The following WLS variants were observed in gnomAD, a reference collection of about 807,000 sequenced individuals.
The protein encoded by WLS is protein wntless homolog.
In WLS, 23 loss-of-function variants were observed where a neutral mutation model predicts 62.8. The ratio of observed to expected loss-of-function variants is 0.37; its 90% confidence interval spans 0.26 to 0.52. WLS has a LOEUF of 0.52. Among genes scored for constraint, WLS ranks in the 20% least tolerant of loss-of-function variants. The pLI, the probability that WLS is intolerant of heterozygous loss-of-function variation, is 0.92. For synonymous variants in WLS, 246 were observed against 244.1 expected (o/e 1.01, Z -0.07); for missense variants, 615 against 697.3 (o/e 0.88, Z 1.33).
chr1:68,133,605 C>G (rs1252783112), intron 11 of WLS, among the ~76,000 whole-genome samples: 1 of 152,192 alleles, frequency 6.6e-6, no homozygotes, highest in Admixed American at 6.5e-5. Flanking sequence ...TAAAGGGTCA[C>G]TTTCTGATCC....
chr1:68,225,542 C>A (rs1010266465), intron 1 of WLS, among the ~76,000 whole-genome samples: 3 of 152,308 alleles, frequency 2.0e-5, no homozygotes, highest in Non-Finnish European at 2.9e-5. Flanking sequence ...CTATCAAAAT[C>A]AAGGGCTGCA....
chr1:68,110,663 C>CTCTCTCTG (rs2100325834), intron 11 of WLS, among the ~76,000 whole-genome samples: 1 of 13,788 alleles, frequency 7.3e-5, no homozygotes, highest in African/African-American at 1.1e-4. Context: ...CTCTGTCTCT[C>CTCTCTCTG]TCTCTCTCTC....
intron 11 of WLS, among the ~76,000 whole-genome samples, chr1:68,101,561 A>AT (rs937895102): frequency 1.7e-4 from 26 of 152,326 alleles, no homozygotes; most frequent in Middle Eastern, 6.8e-3. Flanking sequence ...CACTCACTCT[A>AT]GTGTGTTCCT....
intron 6 of WLS, among the ~76,000 whole-genome samples, chr1:68,149,340 A>G (rs1028834062): frequency 1.3e-5 from 2 of 152,158 alleles, no homozygotes; most frequent in African/African-American, 4.8e-5. Flanking sequence ...CCTGCTGCTG[A>G]GGCCTCATTC....
intron 2 of WLS, chr1:68,162,329 C>T: frequency 1.2e-6 from 2 of 1,613,822 alleles, no homozygotes; most frequent in Non-Finnish European, 1.7e-6. Context: ...ATGGTAAAGT[C>T]ATTGATGAGG....
intron 10 of WLS, among the ~76,000 whole-genome samples, chr1:68,143,709 T>C (rs1646716871): frequency 6.6e-6 from 1 of 152,246 alleles, no homozygotes; most frequent in Non-Finnish European, 1.5e-5. Context: ...CACTCTATGA[T>C]GTTCCCTTAA....
chr1:68,163,762 C>T (rs1175072792), intron 2 of WLS, among the ~76,000 whole-genome samples: 1 of 152,148 alleles, frequency 6.6e-6, no homozygotes, highest in Non-Finnish European at 1.5e-5. Flanking sequence ...AGTATCCAGG[C>T]ACCTGAGTTT....
At chr1:68,130,912 T>A (rs1301381994) in intron 11 of WLS, among the ~76,000 whole-genome samples, 10 of 135,116 alleles carry the variant, frequency 7.4e-5, no homozygotes, top group East Asian at 2.3e-4. Context: ...TTTTTTTTTT[T>A]AGATGGAGTC....
chr1:68,123,404 G>T (rs1646387075), downstream of WLS, among the ~76,000 whole-genome samples: 1 of 151,064 alleles, frequency 6.6e-6, no homozygotes, highest in Non-Finnish European at 1.5e-5. Flanking sequence ...CTTTCCTATA[G>T]AATATGGCCA....
chr1:68,215,652 T>C (rs577989852), intron 1 of WLS, among the ~76,000 whole-genome samples: 2 of 152,360 alleles, frequency 1.3e-5, no homozygotes, highest in South Asian at 4.1e-4. Context: ...CAGTATTGTT[T>C]ATAATAGCCT....
At chr1:68,179,243 T>C (rs969063762) in intron 2 of WLS, among the ~76,000 whole-genome samples, 1 of 152,200 alleles carries the variant, frequency 6.6e-6, no homozygotes, top group African/African-American at 2.4e-5. Context: ...ATGAGATTTT[T>C]TATAAAGTCA....
At position 68,125,790 on chromosome 1, in the gene WLS, C is replaced by T; in HGVS notation, c.*436G>A. 1.0e-6 allele frequency: 1 copy of T among 993,642 alleles called. No individual in the cohort carries two copies. The highest frequency in any genetic ancestry group is 1.2e-6 in the Non-Finnish European group (1 of 835,054). The allele number at this position is 993,642 out of a possible 1,614,324, so 61.6% of individuals were successfully genotyped here. On this transcript the variant is annotated 3_prime_UTR_variant, in exon 12 of 12. Transcript: ENST00000262348. ...ATTAGGAGTGAGAAGACTATGACAC[C>T]AGCCTACCTTGGACTGGGACCGCAA... is the stretch of plus-strand genomic sequence containing the variant.
chr1:68,223,044 C>A (rs1040075420), intron 1 of WLS, among the ~76,000 whole-genome samples: 1 of 152,114 alleles, frequency 6.6e-6, no homozygotes, highest in Non-Finnish European at 1.5e-5. Flanking sequence ...TTGTCTCATC[C>A]TATGTCCTCA....
At chr1:68,098,927 A>G in intron 11 of WLS, 1 of 998,026 alleles carries the variant, frequency 1.0e-6, no homozygotes, top group Non-Finnish European at 1.4e-6. Flanking sequence ...ACATTTGCAG[A>G]TTTCTCCCTT....
chr1:68,119,599 C>T (rs1646339573), intron 11 of WLS, among the ~76,000 whole-genome samples: 1 of 152,226 alleles, frequency 6.6e-6, no homozygotes. Context: ...CAGCATGTTC[C>T]TCACAGCTTG....
At chr1:68,171,837 C>G (rs571760090) in intron 2 of WLS, among the ~76,000 whole-genome samples, 10 of 152,300 alleles carry the variant, frequency 6.6e-5, no homozygotes, top group African/African-American at 2.4e-4. Context: ...GATTATAAAT[C>G]ATTCTACTAT....
At chr1:68,162,519 C>G in intron 2 of WLS, 1 of 1,612,814 alleles carries the variant, frequency 6.2e-7, no homozygotes, top group Non-Finnish European at 8.5e-7. Context: ...CCGCCTACCC[C>G]CTGCGATCAA....
chr1:68,186,361 C>T (rs1319465082), intron 2 of WLS, among the ~76,000 whole-genome samples: 1 of 152,110 alleles, frequency 6.6e-6, no homozygotes, highest in African/African-American at 2.4e-5. Flanking sequence ...ATTTTATCTA[C>T]TCAAAGACTC....
At chr1:68,169,049 T>C (rs2100533494) in intron 2 of WLS, among the ~76,000 whole-genome samples, 1 of 152,346 alleles carries the variant, frequency 6.6e-6, no homozygotes, top group African/African-American at 2.4e-5. Context: ...AACAGTTTAG[T>C]TCACATTGCT....
Sources: gnomAD v4.1 joint callset for allele counts (sites outside exome capture counted in the v4.1 genomes callset) on GRCh38, gnomAD v4.1.1 for gene constraint, MANE v1.5 for transcripts, NCBI Gene and HGNC (gene_info 2026-07-23, HGNC 2026-07-21) for gene names.